LDB1: variants seen among roughly 807,000 people sequenced by gnomAD.
LDB1 encodes LIM domain binding 1, also known as LIM domain-binding protein 1.
A neutral mutation model predicts 49.7 loss-of-function variants in LDB1; 6 were observed. That is an observed-to-expected ratio of 0.12 (90% CI 0.07 to 0.24). The LOEUF is 0.24. Ranked by LOEUF, LDB1 falls within the 10% of genes least tolerant of loss-of-function variation. LDB1 has a pLI of 1.00. For synonymous variants in LDB1, 233 were observed against 202.0 expected, an observed-to-expected ratio of 1.15 and a Z score of -1.30; for missense variants, 341 against 561.7, an observed-to-expected ratio of 0.61 and a Z score of 3.97.
At chr10:102,121,317 C>T (rs796270191), upstream of LDB1, among the ~76,000 whole-genome samples, 8 of 152,178 alleles carry the variant, frequency 5.3e-5, no homozygotes, top group South Asian at 4.1e-4. Flanking sequence ...CCTCCGACCC[C>T]CCTGCCTGGA....
Position 102,110,861 on chromosome 10 carries a change from CCACT to C in LDB1, c.352+4_352+7del. On this transcript the variant is annotated splice_donor_5th_base_variant and intron_variant, in intron 5 of 10. Coordinates refer to ENST00000673968, the MANE Select transcript of LDB1 (RefSeq NM_001113407.3). ...CACCCTCATAGCAAGACCCCAGAGG[CCACT>C]TACTATATCTCTTTGGTCCATCCTC... The C allele has an allele frequency of 6.2e-7, 1 of 1,610,128 alleles. No homozygotes were observed. The highest frequency in any genetic ancestry group is 1.1e-5 in the South Asian group (1 of 91,010).
At chr10:102,114,566 A>G in intron 1 of LDB1, 2 of 985,540 alleles carry the variant, frequency 2.0e-6, no homozygotes, top group Non-Finnish European at 2.4e-6. Context: ...GGCCGCACAA[A>G]GACTCGCACG....
In LDB1 at chr10:102,106,683, C is replaced by G. The variant is rs546415735; in HGVS notation, c.*1410G>C. On this transcript the variant is annotated 3_prime_UTR_variant, in exon 11 of 11. Transcript: ENST00000673968. The stretch of plus-strand genomic sequence containing the variant: ...AGTGGCAGCTGGAGTGGAGGAAATA[C>G]GGTGTGGGGGACCCCAGAATCCAGA... Among the ~76,000 whole-genome samples, 5 of 148,344 alleles carry G rather than the reference C, an allele frequency of 3.4e-5. No homozygotes were observed. The highest frequency in any genetic ancestry group is 1.2e-4 in the African/African-American group (5 of 40,276).
At position 102,107,191 on chromosome 10, in the gene LDB1, T is replaced by C. The variant is rs1258916482; in HGVS notation, c.*902A>G. Among the ~76,000 whole-genome samples, 1 of 151,984 alleles carries C rather than the reference T, an allele frequency of 6.6e-6. No individual in the cohort carries two copies. Among genetic ancestry groups the C allele is most frequent in the Non-Finnish European group, 1.5e-5 (1 of 67,982 alleles). ...TCCCCGCATCCTAGACAGCTGCTCT[T>C]GTGGAGGACTTGTAAGGAATATACA... is the stretch of plus-strand genomic sequence containing the variant. On this transcript the variant is annotated 3_prime_UTR_variant, in exon 11 of 11. Transcript: ENST00000673968.
In LDB1 at chr10:102,108,176, C is replaced by T; in HGVS notation, c.1153G>A (p.Gly385Ser). 3 of 1,614,052 alleles carry T rather than the reference C, an allele frequency of 1.9e-6. No homozygotes were observed. The highest frequency in any genetic ancestry group is 2.5e-6 in the Non-Finnish European group (3 of 1,179,988). ...TTGCTGTTCCAGGGGCTGTTGGCGC[C>T]CAGTGCAGGGGAGTTGTTAAAGCTG... ...EDSFNNSPAL[G>S]ANSPWNSKPP... is the part of the protein sequence containing the mutation. Residue 385 changes from glycine (G) to serine (S), a missense_variant, in exon 11 of 11, where the codon GGC becomes AGC. Physicochemically the swap from Gly to Ser is moderately conservative, Grantham distance 56. Coordinates refer to ENST00000673968, the MANE Select transcript of LDB1 (RefSeq NM_001113407.3).
Position 102,117,603 on chromosome 10 carries a change from G to A in LDB1, c.25+2483C>T, listed in dbSNP as rs2068350739. Among the ~76,000 whole-genome samples, 1 of 152,014 alleles carries A rather than the reference G, an allele frequency of 6.6e-6. No individual in the cohort carries two copies. Among genetic ancestry groups the A allele is most frequent in the African/African-American group, 2.4e-5 (1 of 41,404 alleles). On this transcript the variant is annotated intron_variant, in intron 1 of 10. Coordinates refer to ENST00000673968, the MANE Select transcript of LDB1 (RefSeq NM_001113407.3). The surrounding 1 kb of genome is among the most constrained non-coding windows in gnomAD (Gnocchi z 4.2). The stretch of plus-strand genomic sequence containing the variant: ...TGCCTGCCCCCCTTCCTTTGTCTGT[G>A]CCCGGCCTCCCGTTGGCCTGGCGCT...
chr10:102,109,615 A>T lies in LDB1; in HGVS notation c.717T>A (p.Thr239=). Residue 239 remains threonine (T), a synonymous_variant, in exon 8 of 11, where the codon ACT becomes ACA. Transcript: ENST00000673968. This position sits in a 1 kb window ranked among gnomAD's most constrained non-coding sequence, Gnocchi z 5.8. ...NITRCGLSNS[T]LNYLRLCVIL... ...GGAGACTCACTCGGAGGTAGTTGAG[A>T]GTGGAATTGGACAGCCCACACCGAG... 6.2e-7 allele frequency: 1 copy of T among 1,614,008 alleles called. No homozygotes were observed. Among genetic ancestry groups the T allele is most frequent in the South Asian group, 1.1e-5 (1 of 91,064 alleles).
At position 102,111,314 on chromosome 10, in the gene LDB1, G is replaced by A; in HGVS notation, c.129-14C>T. ...ATGGGAGTTGGGCTGTGTAAAGGAA[G>A]AGGCTATGAGAATGGGGGTTGAAGA... On this transcript the variant is annotated splice_polypyrimidine_tract_variant and intron_variant, in intron 2 of 10. Transcript: ENST00000673968. 1 of 1,613,916 alleles carries A rather than the reference G, an allele frequency of 6.2e-7. No individual in the cohort carries two copies. The highest frequency in any genetic ancestry group is 8.5e-7 in the Non-Finnish European group (1 of 1,179,790).
chr10:102,112,807 A>T (rs1284421371), intron 1 of LDB1, among the ~76,000 whole-genome samples: 1 of 152,152 alleles, frequency 6.6e-6, no homozygotes, highest in Non-Finnish European at 1.5e-5. Flanking sequence ...CAGGGGTCTC[A>T]CTAGTGTGTA....
chr10:102,115,193 A>C (rs2133524862), intron 1 of LDB1, among the ~76,000 whole-genome samples: 1 of 151,882 alleles, frequency 6.6e-6, no homozygotes, highest in African/African-American at 2.4e-5. Context: ...GATGGAGGAG[A>C]GGCCTGTGGG....
downstream of LDB1, among the ~76,000 whole-genome samples, chr10:102,102,422 T>C (rs951454574): frequency 6.6e-6 from 1 of 152,130 alleles, no homozygotes; most frequent in African/African-American, 2.4e-5. Context: ...TCCCCCAAGC[T>C]CCTTTGGGAC....
At position 102,111,494 on chromosome 10, in the gene LDB1, G is replaced by C. The variant is rs1405190254; in HGVS notation, c.68C>G (p.Pro23Arg). ...GGGGGGAAAGGCGTTGCCGTTCGGG[G>C]GCTCCTTCGGCGAGTACAGCTTGAA... is the stretch of plus-strand genomic sequence containing the variant. ...KSFKLYSPKE[P>R]PNGNAFPPFH... The change falls in exon 2 of 11, where the codon CCC becomes CGC. Residue 23 changes from proline (P) to arginine (R), a missense_variant. This residue lies in a region of LDB1 where 48 missense variants were observed against 43.9 expected (regional missense o/e 1.09). Coordinates refer to ENST00000673968, the MANE Select transcript of LDB1 (RefSeq NM_001113407.3). 2 of 1,554,998 alleles carry C rather than the reference G, an allele frequency of 1.3e-6. No individual in the cohort carries two copies. The highest frequency in any genetic ancestry group is 1.7e-6 in the Non-Finnish European group (2 of 1,150,516).
At chr10:102,119,505 A>G (rs2068380717) in intron 1 of LDB1, among the ~76,000 whole-genome samples, 1 of 151,966 alleles carries the variant, frequency 6.6e-6, no homozygotes, top group Admixed American at 6.6e-5. Flanking sequence ...GCCAGACCCA[A>G]GGGTCCAATT....
intron 1 of LDB1, 137 bp from the exon 2 acceptor site, chr10:102,111,673 A>G (rs2068256898): frequency 3.8e-6 from 2 of 531,856 alleles, no homozygotes; most frequent in Admixed American, 7.0e-5. Context: ...CAACATAGCG[A>G]GACCTCGTCT....
rs546598960 is a variant in LDB1, at chr10:102,114,974, G to A, written c.26-3438C>T. The stretch of plus-strand genomic sequence containing the variant: ...TCTCTCCCTGCCTCCCTCCCTCCCC[G>A]CTCGCTCTCTCCGAGCCTCTCTCAG... On this transcript the variant is annotated intron_variant, in intron 1 of 10. Transcript: ENST00000673968. The A allele has an allele frequency of 2.1e-5, 9 of 426,940 alleles. No homozygotes were observed. The South Asian group carries it at 2.9e-4, about 14-fold the overall frequency. The allele number at this position is 426,940 out of a possible 1,614,324, so 26.4% of individuals were successfully genotyped here. A position where few individuals can be genotyped will look rare whatever the true frequency, so the allele number is the denominator to read the frequency against.
At chr10:102,103,967 G>A (rs1471685221), downstream of LDB1, among the ~76,000 whole-genome samples, 3 of 151,668 alleles carry the variant, frequency 2.0e-5, no homozygotes, top group Non-Finnish European at 2.9e-5. Context: ...TACTTGGGAC[G>A]CATGAGAATC....
At position 102,117,017 on chromosome 10, in the gene LDB1, T is replaced by A. The variant is rs12265723; in HGVS notation, c.25+3069A>T. 1.8e-5 allele frequency among the ~76,000 whole-genome samples: 1 copy of A among 54,126 alleles called. No individual in the cohort carries two copies. The highest frequency in any genetic ancestry group is 7.2e-5 in the African/African-American group (1 of 13,980). 35.5% of individuals were successfully genotyped at this position (54,126 alleles called of 152,430 possible). A position where few individuals can be genotyped will look rare whatever the true frequency, so the allele number is the denominator to read the frequency against. On this transcript the variant is annotated intron_variant, in intron 1 of 10. Transcript: ENST00000673968. The surrounding 1 kb of genome is among the most constrained non-coding windows in gnomAD (Gnocchi z 4.2). ...AGGATGACCAGGGTGGGCTGGGGGG[T>A]GGGGGGGTTGAACCCTGCACTTCTA... is the stretch of plus-strand genomic sequence containing the variant.
chr10:102,116,164 T>A (rs1470110596), intron 1 of LDB1, among the ~76,000 whole-genome samples: 1 of 152,224 alleles, frequency 6.6e-6, no homozygotes, highest in Non-Finnish European at 1.5e-5. Flanking sequence ...AATCACTACC[T>A]GATACACATT....
At position 102,109,810 on chromosome 10, in the gene LDB1, G is replaced by A; in HGVS notation, c.648+111C>T. On this transcript the variant is annotated intron_variant, in intron 7 of 10. Coordinates refer to ENST00000673968, the MANE Select transcript of LDB1 (RefSeq NM_001113407.3). This position sits in a 1 kb window ranked among gnomAD's most constrained non-coding sequence, Gnocchi z 5.8. ...CTCTTATTAAACCTGCTGTTCAGAT[G>A]AAGAAACCCTAACCCTCTGTCTAAG... The A allele has an allele frequency of 1.9e-6, 3 of 1,559,314 alleles. No individual in the cohort carries two copies. Among genetic ancestry groups the A allele is most frequent in the African/African-American group, 2.7e-5 (2 of 73,866 alleles).
Sources: allele counts gnomAD v4.1 joint callset (sites outside exome capture counted in the v4.1 genomes callset), GRCh38; gene constraint gnomAD v4.1.1; regional missense constraint gnomAD v4.1.1; non-coding constraint Gnocchi (gnomAD v3.1); transcripts MANE v1.5; gene names NCBI Gene and HGNC (gene_info 2026-07-23, HGNC 2026-07-21).